CNTN4: variants seen among roughly 807,000 people sequenced by gnomAD.
The protein encoded by CNTN4 is contactin-4.
A neutral mutation model predicts 122.5 loss-of-function variants in CNTN4; 77 were observed. The ratio of observed to expected loss-of-function variants is 0.63; its 90% CI spans 0.52 to 0.76. CNTN4 has a LOEUF of 0.76. Ranked by LOEUF, CNTN4 falls within the 30% of genes least tolerant of loss-of-function variation. The pLI, the probability that CNTN4 is intolerant of heterozygous loss-of-function variation, is 0.00. For synonymous variants in CNTN4, 512 were observed against 447.0 expected, an observed-to-expected ratio of 1.15 and a Z score of -1.83; for missense variants, 1,256 against 1,259.1, an observed-to-expected ratio of 1.00 and a Z score of 0.04.
rs139971693 is a variant in CNTN4 at position 2,709,686 on chromosome 3, G to A, written c.56-26529G>A. Among the ~76,000 whole-genome samples, 5 of 152,160 alleles carry A rather than the reference G, an allele frequency of 3.3e-5. No homozygotes were observed. The highest frequency in any genetic ancestry group is 7.4e-5 in the Non-Finnish European group (5 of 68,020). ...CGCAGCACTTTGGGAGGCTGAGGCAGGTGGATCACTTGAGGTCAGGAGTTC... is the reference window on the plus strand; with the variant it reads ...CGCAGCACTTTGGGAGGCTGAGGCAAGTGGATCACTTGAGGTCAGGAGTTC... On this transcript the variant is annotated intron_variant, in intron 4 of 24. Coordinates refer to ENST00000418658, the MANE Select transcript of CNTN4 (RefSeq NM_175607.3). The surrounding 1 kb of genome is among the most constrained non-coding windows in gnomAD (Gnocchi z 5.0).
chr3:2,755,467 G>A (rs2090292213), intron 6 of CNTN4, among the ~76,000 whole-genome samples: 1 of 152,180 alleles, frequency 6.6e-6, no homozygotes, highest in Admixed American at 6.5e-5. Context: ...ATAGGTAGAA[G>A]AAGTCAAACC....
chr3:2,932,800 C>CTTTATTTATTTATCTA (rs2094533166), intron 13 of CNTN4, among the ~76,000 whole-genome samples: 1 of 148,842 alleles, frequency 6.7e-6, no homozygotes, highest in South Asian at 2.1e-4. Context: ...TGCTTACAGT[C>CTTTATTTATTTATCTA]TTTATTTATT....
intron 2 of CNTN4, among the ~76,000 whole-genome samples, chr3:2,317,978 T>G (rs927724256): frequency 4.6e-5 from 7 of 152,154 alleles, no homozygotes; most frequent in Non-Finnish European, 1.0e-4. Flanking sequence ...CCCCATTGCT[T>G]TGTATTTCTT....
rs71621501 is a variant in CNTN4, at chr3:2,677,129, TTAGATAGATAGATAGATAGATAGA to T, written c.56-59064_56-59041del. ...ATAGATAGATAGATAGATCACTCTT[TTAGATAGATAGATAGATAGATAGA>T]TAGATAGATAGATAGATAGATGTGT... is the stretch of plus-strand genomic sequence containing the variant. On this transcript the variant is annotated intron_variant, in intron 4 of 24. Coordinates refer to ENST00000418658, the MANE Select transcript of CNTN4 (RefSeq NM_175607.3). Among the ~76,000 whole-genome samples the T allele has an allele frequency of 1.4e-5, 2 of 143,166 alleles. 1 individual carries two copies. Among genetic ancestry groups the T allele is most frequent in the South Asian group, 4.5e-4 (2 of 4,430 alleles). The allele number at this position is 143,166 out of a possible 152,430, so 93.9% of individuals were successfully genotyped here. A position where few individuals can be genotyped will look rare whatever the true frequency, so the allele number is the denominator to read the frequency against.
intron 3 of CNTN4, among the ~76,000 whole-genome samples, chr3:2,538,132 A>G (rs1294133250): frequency 6.6e-6 from 1 of 152,134 alleles, no homozygotes; most frequent in Non-Finnish European, 1.5e-5. Flanking sequence ...AAATTTGGAC[A>G]CAAATAGACA....
intron 2 of CNTN4, among the ~76,000 whole-genome samples, chr3:2,153,443 G>A (rs1159875410): frequency 6.6e-6 from 1 of 152,212 alleles, no homozygotes; most frequent in Non-Finnish European, 1.5e-5. Context: ...GGTAACCTGG[G>A]GAGAATTGTT....
At chr3:2,829,190 G>T (rs11715624) in intron 7 of CNTN4, among the ~76,000 whole-genome samples, 1 of 152,064 alleles carries the variant, frequency 6.6e-6, no homozygotes, top group Non-Finnish European at 1.5e-5. Context: ...GGGTTACAGC[G>T]CATTAGTTGA....
At chr3:2,114,846 TTCTC>T (rs1164304506) in intron 2 of CNTN4, among the ~76,000 whole-genome samples, 2 of 152,234 alleles carry the variant, frequency 1.3e-5, no homozygotes, top group African/African-American at 4.8e-5. Flanking sequence ...CATTCCGTGT[TTCTC>T]TCTTGTGAGT....
intron 14 of CNTN4, among the ~76,000 whole-genome samples, chr3:3,012,482 C>T (rs1291031069): frequency 6.6e-6 from 1 of 151,970 alleles, no homozygotes; most frequent in Admixed American, 6.6e-5. Context: ...CACAGTCTCA[C>T]ACTGTTGCCC....
At chr3:2,809,722 C>G (rs75686361) in intron 6 of CNTN4, among the ~76,000 whole-genome samples, 1,579 of 152,280 alleles carry the variant, frequency 0.01, 37 homozygotes, top group African/African-American at 0.037. Context: ...GGGCACCCGT[C>G]TCCGAAGGAG....
chr3:2,685,599 T>G (rs1439607258), intron 4 of CNTN4, among the ~76,000 whole-genome samples: 1 of 152,208 alleles, frequency 6.6e-6, no homozygotes, highest in Non-Finnish European at 1.5e-5. Flanking sequence ...CAAGTAATCT[T>G]CATAGGTCAT....
chr3:2,548,931 C>T (rs1425065834), intron 3 of CNTN4, among the ~76,000 whole-genome samples: 7 of 151,896 alleles, frequency 4.6e-5, no homozygotes, highest in Non-Finnish European at 5.9e-5. Flanking sequence ...TTATTCTCTT[C>T]GTAGCCATTG....
rs80108408 is a variant in CNTN4 at position 2,598,821 on chromosome 3, G to A, written c.55+27263G>A. On this transcript the variant is annotated intron_variant, in intron 4 of 24. Coordinates refer to ENST00000418658, the MANE Select transcript of CNTN4 (RefSeq NM_175607.3). ...GTCCCTCCAACATATATACATGAAA[G>A]GGGTATTAAAGATCCACTCTCTTGG... 0.014 allele frequency among the ~76,000 whole-genome samples: 2,057 copies of A among 151,776 alleles called. 114 individuals are homozygous for A. In the South Asian group the frequency reaches 0.17, roughly 13 times the overall value.
At position 2,614,649 on chromosome 3, in the gene CNTN4, G is replaced by A. The variant is rs1466621684; in HGVS notation, c.55+43091G>A. The stretch of plus-strand genomic sequence containing the variant: ...TTCTGGCTTGAGCTACGGCATAGAC[G>A]ATGAATTTTTCTCAGAGATGTGTAG... On this transcript the variant is annotated intron_variant, in intron 4 of 24. Coordinates refer to ENST00000418658, the MANE Select transcript of CNTN4 (RefSeq NM_175607.3). Among the ~76,000 whole-genome samples, 3 of 152,248 alleles carry A rather than the reference G, an allele frequency of 2.0e-5. No individual in the cohort carries two copies. The South Asian group carries it at 6.2e-4, about 32-fold the overall frequency.
intron 2 of CNTN4, among the ~76,000 whole-genome samples, chr3:2,271,223 T>C (rs910767396): frequency 2.0e-5 from 3 of 152,052 alleles, no homozygotes; most frequent in African/African-American, 7.2e-5. Context: ...GCAGATCATT[T>C]TGATGTTGCT....
chr3:2,670,164 A>G (rs940800975), intron 4 of CNTN4, among the ~76,000 whole-genome samples: 10 of 152,132 alleles, frequency 6.6e-5, no homozygotes, highest in Non-Finnish European at 1.3e-4. Flanking sequence ...TTTCTGTCTC[A>G]TTGATCTGTC....
chr3:2,417,342 G>T (rs527500462), intron 3 of CNTN4, among the ~76,000 whole-genome samples: 1 of 152,244 alleles, frequency 6.6e-6, no homozygotes, highest in Admixed American at 6.5e-5. Context: ...TTGAGAACAA[G>T]ACAGGAACAT....
chr3:2,691,750 C>G (rs896910292), intron 4 of CNTN4, among the ~76,000 whole-genome samples: 2 of 152,128 alleles, frequency 1.3e-5, no homozygotes, highest in Non-Finnish European at 2.9e-5. Context: ...GTCTCACTAA[C>G]AAAAGAGGGT....
In CNTN4 at chr3:2,136,895, T is replaced by C. The variant is rs139344310; in HGVS notation, c.-145+36256T>C. The stretch of plus-strand genomic sequence containing the variant: ...GTAAAGATGAAAATATAGAGATTAT[T>C]AGTTTGAATAACTGGTTGCATGCCA... On this transcript the variant is annotated intron_variant, in intron 2 of 24. Transcript: ENST00000418658. Among the ~76,000 whole-genome samples, 374 of 152,330 alleles carry C rather than the reference T, an allele frequency of 2.5e-3. 5 individuals carry two copies. The highest frequency in any genetic ancestry group is 8.4e-3 in the African/African-American group (350 of 41,580).
Sources: gnomAD v4.1 joint callset for allele counts (sites outside exome capture counted in the v4.1 genomes callset) on GRCh38, gnomAD v4.1.1 for gene constraint, Gnocchi (gnomAD v3.1) non-coding constraint, MANE v1.5 for transcripts, NCBI Gene and HGNC (gene_info 2026-07-23, HGNC 2026-07-21) for gene names.